ADD1: variants seen among roughly 807,000 people sequenced by gnomAD.
The protein encoded by ADD1 is alpha-adducin.
A neutral mutation model predicts 80.5 loss-of-function variants in ADD1; 24 were observed. The observed-to-expected ratio is 0.30, with a 90% CI of 0.22 to 0.42. ADD1 has a LOEUF of 0.42. ADD1 is among the 10% of genes least tolerant of loss of function. The pLI, the probability that ADD1 is intolerant of heterozygous loss-of-function variation, is 1.00. For synonymous variants in ADD1, 373 were observed against 393.8 expected (o/e 0.95, Z 0.63); for missense variants, 948 against 1,019.0 (o/e 0.93, Z 0.95).
chr4:2,857,539 T>C (rs149038533), intron 1 of ADD1, among the ~76,000 whole-genome samples: 2,804 of 151,970 alleles, frequency 0.018, 59 homozygotes, highest in African/African-American at 0.046. Context: ...GCTCAGGAGG[T>C]GGAGGTTGCA....
chr4:2,867,798 CAGAG>C (rs1245398783), intron 1 of ADD1: 2 of 152,122 alleles, frequency 1.3e-5, no homozygotes, highest in Non-Finnish European at 2.9e-5. Context: ...TCCTGATTGT[CAGAG>C]AGAATGTGGA....
At chr4:2,923,293 C>G (rs1242083625) in intron 14 of ADD1, among the ~76,000 whole-genome samples, 1 of 152,228 alleles carries the variant, frequency 6.6e-6, no homozygotes, top group African/African-American at 2.4e-5. Context: ...ATTTCCTGGT[C>G]TGTGGATTGC....
At position 2,904,804 on chromosome 4, in the gene ADD1, G is replaced by A; in HGVS notation, c.1202G>A (p.Arg401Lys). Residue 401 changes from arginine (R) to lysine (K), a missense_variant, in exon 10 of 16, where the codon AGA becomes AAA. Coordinates refer to ENST00000683351, the MANE Select transcript of ADD1 (RefSeq NM_001354761.2). ...TGYPYRYPAL[R>K]EKSKKYSDVE... Reference sequence around the variant, plus strand: ...TACCCTTATCGATACCCTGCTCTGAGAGAGAAGTCTAAAAAATACAGCGAT... The same window carrying A: ...TACCCTTATCGATACCCTGCTCTGAAAGAGAAGTCTAAAAAATACAGCGAT... 6.2e-7 allele frequency: 1 copy of A among 1,614,194 alleles called. No individual in the cohort carries two copies.
At chr4:2,881,646 C>A in intron 2 of ADD1, 1 of 343,072 alleles carries the variant, frequency 2.9e-6, no homozygotes. Context: ...TGAGCACTTC[C>A]TTGAATGTTT....
intron 13 of ADD1, among the ~76,000 whole-genome samples, chr4:2,913,304 CTA>C (rs1738401461): frequency 6.6e-6 from 1 of 152,234 alleles, no homozygotes. Context: ...GATACCATCT[CTA>C]GAGTGCCATC....
At chr4:2,883,306 A>T (rs1344680083) in intron 3 of ADD1, among the ~76,000 whole-genome samples, 2 of 151,824 alleles carry the variant, frequency 1.3e-5, no homozygotes, top group African/African-American at 4.8e-5. Context: ...TCCTTCAGTG[A>T]TGAACAATTA....
chr4:2,854,725 T>A (rs1483380930), intron 1 of ADD1: 3 of 152,224 alleles, frequency 2.0e-5, no homozygotes, highest in Non-Finnish European at 4.4e-5. Flanking sequence ...TGCCTGGTAT[T>A]TGTATTTTTG....
At chr4:2,900,725 G>C (rs1293636784) in intron 9 of ADD1, 1 of 152,232 alleles carries the variant, frequency 6.6e-6, no homozygotes, top group Admixed American at 6.5e-5. Flanking sequence ...CTAGAAAGGA[G>C]GAACTGAGGG....
At chr4:2,914,819 C>G (rs1231314936) in intron 13 of ADD1, 65 bp from the exon 14 acceptor site, 7 of 1,522,350 alleles carry the variant, frequency 4.6e-6, no homozygotes, top group East Asian at 2.3e-5. Flanking sequence ...TGCAGCCTGC[C>G]TGGGAGGAGG....
intron 1 of ADD1, among the ~76,000 whole-genome samples, chr4:2,874,332 G>C (rs1321918528): frequency 6.6e-6 from 1 of 152,090 alleles, no homozygotes; most frequent in African/African-American, 2.4e-5. Flanking sequence ...AGTGGCTGGG[G>C]GCGGTGGCTA....
chr4:2,916,800 C>G (rs1346510621), intron 14 of ADD1, among the ~76,000 whole-genome samples: 1 of 152,156 alleles, frequency 6.6e-6, no homozygotes, highest in Non-Finnish European at 1.5e-5. Context: ...GTTTTCTGTT[C>G]CTGTGTTAGT....
intron 14 of ADD1, among the ~76,000 whole-genome samples, chr4:2,919,541 G>C (rs1424742055): frequency 6.6e-6 from 1 of 152,150 alleles, no homozygotes; most frequent in African/African-American, 2.4e-5. Flanking sequence ...TCAGGGGTTT[G>C]ACTTCCTCCT....
chr4:2,924,512 C>CG (rs1560261697), intron 14 of ADD1, among the ~76,000 whole-genome samples: 1 of 152,178 alleles, frequency 6.6e-6, no homozygotes, highest in East Asian at 1.9e-4. Flanking sequence ...CTCAGTCCTC[C>CG]GGGGTCAGCC....
At chr4:2,927,904 G>GT (rs1291322984) in intron 15 of ADD1, among the ~76,000 whole-genome samples, 2 of 152,132 alleles carry the variant, frequency 1.3e-5, no homozygotes, top group South Asian at 2.1e-4. Context: ...CCGGCGGGGG[G>GT]ACCCAGGCCT....
intron 4 of ADD1, among the ~76,000 whole-genome samples, chr4:2,886,845 A>G (rs909416797): frequency 7.2e-5 from 11 of 152,220 alleles, no homozygotes; most frequent in African/African-American, 2.4e-4. Context: ...TATACTTGAC[A>G]GAATGCTGTG....
At chr4:2,876,607 T>C (rs1187518531) in intron 2 of ADD1, among the ~76,000 whole-genome samples, 1 of 151,696 alleles carries the variant, frequency 6.6e-6, no homozygotes, top group African/African-American at 2.4e-5. Context: ...GAGGCCAACA[T>C]GGGTGGATCA....
At chr4:2,899,772 A>G in intron 9 of ADD1, 1 of 375,702 alleles carries the variant, frequency 2.7e-6, no homozygotes, top group Non-Finnish European at 5.1e-6. Context: ...GGCACTTTTG[A>G]AATCGGTCAG....
rs558045152 is a variant in ADD1, at chr4:2,854,373, G to T, written c.-21+10349G>T. Among the ~76,000 whole-genome samples the T allele has an allele frequency of 3.3e-5, 5 of 152,288 alleles. No homozygotes were observed. The East Asian group carries it at 9.6e-4, about 29-fold the overall frequency. ...AAGAAAGAATATGTATTTAATTTGT[G>T]TGAGAAAGGGAGGTGCAAGGTTCTG... is the stretch of plus-strand genomic sequence containing the variant. On this transcript the variant is annotated intron_variant, in intron 1 of 15. Coordinates refer to ENST00000683351, the MANE Select transcript of ADD1 (RefSeq NM_001354761.2).
chr4:2,907,586 G>C, intron 10 of ADD1, 157 bp from the exon 11 acceptor site: 1 of 647,528 alleles, frequency 1.5e-6, no homozygotes, highest in Non-Finnish European at 2.8e-6. Flanking sequence ...CTCCCATGGC[G>C]ACTCTGCTGA....
Sources: allele counts gnomAD v4.1 joint callset (sites outside exome capture counted in the v4.1 genomes callset), GRCh38; gene constraint gnomAD v4.1.1; transcripts MANE v1.5; gene names NCBI Gene and HGNC (gene_info 2026-07-23, HGNC 2026-07-21).